Variants in MTREX observed in about 807,000 individuals in gnomAD.
MTREX encodes the protein exosome RNA helicase MTR4.
MTREX carries 76 observed loss-of-function variants against 135.4 expected under a neutral mutation model. That is an observed-to-expected ratio of 0.56 (90% CI 0.47 to 0.68). The LOEUF is 0.68. Ranked by LOEUF, MTREX falls within the 30% of genes least tolerant of loss-of-function variation. The pLI, the probability that MTREX is intolerant of heterozygous loss-of-function variation, is 0.00. For synonymous variants in MTREX, 404 were observed against 401.6 expected (o/e 1.01, Z -0.07); for missense variants, 920 against 1,262.1 (o/e 0.73, Z 4.11).
At chr5:55,346,214 GTC>G (rs1749730418) in intron 10 of MTREX, among the ~76,000 whole-genome samples, 1 of 152,158 alleles carries the variant, frequency 6.6e-6, no homozygotes, top group South Asian at 2.1e-4. Context: ...CATGTGGAAA[GTC>G]TATGTTTCAC....
intron 15 of MTREX, among the ~76,000 whole-genome samples, chr5:55,359,750 T>A (rs1433123785): frequency 2.0e-5 from 3 of 152,184 alleles, no homozygotes; most frequent in African/African-American, 7.2e-5. Flanking sequence ...TTTCTTTCCT[T>A]GTACTGTGTG....
chr5:55,347,194 A>T, intron 11 of MTREX, 50 bp downstream of exon 11: 1 of 1,512,938 alleles, frequency 6.6e-7, no homozygotes. Context: ...AATGAGCGTA[A>T]AATATATTTC....
At chr5:55,397,243 C>G (rs1750659735) in intron 19 of MTREX, among the ~76,000 whole-genome samples, 173 bp from the exon 20 acceptor site, 1 of 152,130 alleles carries the variant, frequency 6.6e-6, no homozygotes, top group African/African-American at 2.4e-5. Flanking sequence ...AATACAGTCT[C>G]TAATAAGAAA....
chr5:55,415,049 A>G (rs1377353642), intron 24 of MTREX, among the ~76,000 whole-genome samples: 1 of 152,122 alleles, frequency 6.6e-6, no homozygotes, highest in Non-Finnish European at 1.5e-5. Context: ...TACTATTTTC[A>G]TAGGATAAGC....
chr5:55,351,046 A>AT lies in MTREX; in HGVS notation c.1431+23dup. ...TTGATAAAGGTATGGTTTTATTTTT[A>AT]TTTTTTATGCCCCCATATCATGTTG... On this transcript the variant is annotated intron_variant, in intron 13 of 26. Transcript: ENST00000230640. 1.3e-6 allele frequency: 2 copies of AT among 1,582,388 alleles called. No individual in the cohort carries two copies. The highest frequency in any genetic ancestry group is 1.7e-6 in the Non-Finnish European group (2 of 1,170,892).
At chr5:55,413,524 G>A (rs372428954) in intron 23 of MTREX, among the ~76,000 whole-genome samples, 12 of 151,948 alleles carry the variant, frequency 7.9e-5, no homozygotes, top group African/African-American at 2.7e-4. Flanking sequence ...TCTTTGACAG[G>A]GCAGAAAACC....
At chr5:55,308,666 C>T (rs1749029373) in intron 1 of MTREX, among the ~76,000 whole-genome samples, 1 of 152,138 alleles carries the variant, frequency 6.6e-6, no homozygotes, top group African/African-American at 2.4e-5. Flanking sequence ...TGTAAAGTGC[C>T]TAACAGTGGT....
intron 12 of MTREX, among the ~76,000 whole-genome samples, chr5:55,350,446 G>T (rs566408912): frequency 1.3e-5 from 2 of 152,098 alleles, no homozygotes; most frequent in Admixed American, 6.6e-5. Flanking sequence ...TTGTTATAGC[G>T]CACTTCTAGT....
At chr5:55,320,122 A>G (rs1409666527) in intron 1 of MTREX, among the ~76,000 whole-genome samples, 1 of 152,180 alleles carries the variant, frequency 6.6e-6, no homozygotes, top group Non-Finnish European at 1.5e-5. Context: ...CAGAATTTAC[A>G]AATTTTAGGT....
At position 55,308,046 on chromosome 5, in the gene MTREX, C is replaced by T. The variant is rs1480792846; in HGVS notation, c.33C>T (p.Ser11=). 3.1e-6 allele frequency: 5 copies of T among 1,614,028 alleles called. No individual in the cohort carries two copies. The highest frequency in any genetic ancestry group is 1.7e-5 in the Admixed American group (1 of 60,010). MADAFGDELF[S]VFEGDSTTAA... ...ACGCATTCGGAGATGAGCTGTTCAG[C>T]GTGTTCGAGGGCGACTCGACCACTG... Residue 11 remains serine (S), a synonymous_variant, in exon 1 of 27, where the codon AGC becomes AGT. Transcript: ENST00000230640.
intron 21 of MTREX, among the ~76,000 whole-genome samples, chr5:55,403,918 G>T (rs948464162): frequency 6.6e-6 from 1 of 152,154 alleles, no homozygotes; most frequent in African/African-American, 2.4e-5. Flanking sequence ...GGGTCTGCTA[G>T]CCTGGCTTTG....
chr5:55,423,233 T>C (rs747706194), intron 26 of MTREX: 58 of 423,052 alleles, frequency 1.4e-4, no homozygotes, highest in Middle Eastern at 1.2e-3. Context: ...CTAGGGGATA[T>C]AGTGAACAAA....
At chr5:55,396,824 CTT>C (rs1750653935) in intron 19 of MTREX, among the ~76,000 whole-genome samples, 1 of 152,168 alleles carries the variant, frequency 6.6e-6, no homozygotes, top group African/African-American at 2.4e-5. Context: ...GAAACATTAA[CTT>C]TGCCTCAGTT....
chr5:55,377,030 C>CA (rs1201816237), intron 16 of MTREX, among the ~76,000 whole-genome samples: 13 of 148,478 alleles, frequency 8.8e-5, no homozygotes, highest in African/African-American at 2.0e-4. Context: ...AAGACTGTCT[C>CA]AAAAAAAACA....
At chr5:55,350,828 G>T (rs1749815481) in intron 12 of MTREX, 91 bp from the exon 13 acceptor site, 1 of 1,016,298 alleles carries the variant, frequency 9.8e-7, no homozygotes, top group South Asian at 1.5e-5. Context: ...TAAAGAGAAA[G>T]CATTCTTTAC....
intron 19 of MTREX, among the ~76,000 whole-genome samples, chr5:55,393,689 C>T (rs1296814527): frequency 2.6e-5 from 4 of 152,196 alleles, no homozygotes; most frequent in South Asian, 2.1e-4. Context: ...TGATTGCTCA[C>T]ATGGTTATTT....
In MTREX at chr5:55,351,023, G is replaced by T; in HGVS notation, c.1425G>T (p.Leu475Phe). Residue 475 changes from leucine (L) to phenylalanine (F), a missense_variant, in exon 13 of 27, where the codon TTG becomes TTT. Coordinates refer to ENST00000230640, the MANE Select transcript of MTREX (RefSeq NM_015360.5). ...TAGAAATTCTCTTTTCTGAAGGATTGATAAAGGTATGGTTTTATTTTTATT... is the reference window on the plus strand; with the variant it reads ...TAGAAATTCTCTTTTCTGAAGGATTTATAAAGGTATGGTTTTATTTTTATT... ...ETIEILFSEG[L>F]IKALFATETF... 1 of 1,599,174 alleles carries T rather than the reference G, an allele frequency of 6.3e-7. No individual in the cohort carries two copies. The highest frequency in any genetic ancestry group is 1.2e-5 in the South Asian group (1 of 86,758).
chr5:55,318,873 A>G (rs1407532477), intron 1 of MTREX, among the ~76,000 whole-genome samples: 1 of 152,180 alleles, frequency 6.6e-6, no homozygotes, highest in African/African-American at 2.4e-5. Flanking sequence ...AAGTAGTACT[A>G]AATGTCATTT....
At chr5:55,343,542 T>C in intron 8 of MTREX, 87 bp downstream of exon 8, 1 of 1,175,030 alleles carries the variant, frequency 8.5e-7, no homozygotes, top group Non-Finnish European at 1.2e-6. Flanking sequence ...TTTCTCCTGA[T>C]GTTGTCCAGA....
Sources: gnomAD v4.1 joint callset for allele counts (sites outside exome capture counted in the v4.1 genomes callset) on GRCh38, gnomAD v4.1.1 for gene constraint, MANE v1.5 for transcripts, NCBI Gene and HGNC (gene_info 2026-07-23, HGNC 2026-07-21) for gene names.